Variants in OBSL1 observed in about 807,000 individuals in gnomAD.
OBSL1 encodes the protein obscurin-like protein 1.
In OBSL1, 160 loss-of-function variants were observed where a neutral mutation model predicts 172.0. That is an observed-to-expected ratio of 0.93 (90% CI 0.82 to 1.06). The LOEUF (loss-of-function observed/expected upper bound fraction) is 1.06. OBSL1 is among the 50% of genes least tolerant of loss of function. OBSL1 has a pLI of 0.00. For synonymous variants in OBSL1, 1,200 were observed against 1,196.3 expected (o/e 1.00, Z -0.06); for missense variants, 2,681 against 2,715.4 (o/e 0.99, Z 0.28).
chr2:219,552,353 A>G (rs1695679888), intron 18 of OBSL1, 137 bp from the exon 19 acceptor site: 2 of 917,680 alleles, frequency 2.2e-6, no homozygotes, highest in Non-Finnish European at 3.3e-6. Context: ...AGGGATGCGG[A>G]GCGGGAAGCC....
In OBSL1 at chr2:219,567,512, G is replaced by A. The variant is rs371394126; in HGVS notation, c.1598C>T (p.Thr533Met). The A allele has an allele frequency of 2.2e-5, 35 of 1,613,384 alleles. No individual in the cohort carries two copies. Among genetic ancestry groups the A allele is most frequent in the African/African-American group, 8.0e-5 (6 of 74,926 alleles). ...LAEMFKGHKN[T>M]VLLTWKPPEP... ...GGGAGGCTTCCAGGTCAACAGGACC[G>A]TGTTCTTGTGGCCCTTGAACATCTC... The change falls in exon 4 of 21, where the codon ACG becomes ATG. Residue 533 changes from threonine (T) to methionine (M), a missense_variant. By Grantham distance (81) the Thr-to-Met change is moderately conservative (BLOSUM62 -1). Transcript: ENST00000404537.
At chr2:219,547,660 G>A, downstream of OBSL1, 1 of 1,535,446 alleles carries the variant, frequency 6.5e-7, no homozygotes, top group Non-Finnish European at 8.8e-7. Context: ...TGCTCTGCGG[G>A]CTGGTGGCCA....
Position 219,557,531 on chromosome 2 carries a change from A to AGGT in OBSL1, c.3875_3877dup (p.His1292dup). 1 of 1,553,340 alleles carries AGGT rather than the reference A, an allele frequency of 6.4e-7. No homozygotes were observed. The highest frequency in any genetic ancestry group is 8.7e-7 in the Non-Finnish European group (1 of 1,148,884). On this transcript the variant is annotated inframe_insertion, in exon 12 of 21. Coordinates refer to ENST00000404537, the MANE Select transcript of OBSL1 (RefSeq NM_015311.3). The stretch of plus-strand genomic sequence containing the variant: ...GCGTACAGGGCCCCCTGGCCCGGAG[A>AGGT]GGTGCACCACCAGCTCTAGGTCCCC...
rs1295773613 is a variant in OBSL1, at chr2:219,566,817, C to T, written c.2134+13G>A. The T allele has an allele frequency of 6.4e-7, 1 of 1,559,972 alleles. No individual in the cohort carries two copies. The highest frequency in any genetic ancestry group is 1.4e-5 in the African/African-American group (1 of 73,718). ...GACCCTTTCTGCCCACTCAGGTCCC[C>T]ACTGGCACCAACCTTGGATTGTGAG... On this transcript the variant is annotated intron_variant, in intron 5 of 20. Transcript: ENST00000404537.
downstream of OBSL1, chr2:219,548,182 C>T (rs952794062): frequency 6.2e-6 from 7 of 1,123,866 alleles, no homozygotes; most frequent in African/African-American, 3.1e-5. Context: ...CAGAAGGCCT[C>T]GATGGCGGTA....
chr2:219,549,543 A>T (rs1053009292), downstream of OBSL1, among the ~76,000 whole-genome samples: 2 of 152,142 alleles, frequency 1.3e-5, no homozygotes, highest in Non-Finnish European at 2.9e-5. Context: ...ATTGGGGGAA[A>T]GGTTCCTGAG....
rs1696661659 is a variant in OBSL1, at chr2:219,563,605, G to A, written c.2430C>T (p.Asp810=). 1.2e-6 allele frequency: 2 copies of A among 1,613,162 alleles called. No individual in the cohort carries two copies. The highest frequency in any genetic ancestry group is 1.7e-5 in the Admixed American group (1 of 59,910). Residue 810 remains aspartate (D), a synonymous_variant, in exon 7 of 21, where the codon GAC becomes GAT. Coordinates refer to ENST00000404537, the MANE Select transcript of OBSL1 (RefSeq NM_015311.3). ...TVQDPPVHIV[D]PREHVFVHAI... Reference sequence around the variant, plus strand: ...CATGCACGAACACATGTTCTCGGGGGTCCACGATGTGCACGGGAGGATCTG... The same window carrying A: ...CATGCACGAACACATGTTCTCGGGGATCCACGATGTGCACGGGAGGATCTG...
intron 20 of OBSL1, 73 bp from the exon 21 acceptor site, chr2:219,550,915 G>A: frequency 3.8e-6 from 6 of 1,577,622 alleles, no homozygotes; most frequent in South Asian, 1.2e-5. Flanking sequence ...GGCAGAGCCT[G>A]GACACCAGTA....
chr2:219,554,774 G>A (rs1695878359), intron 14 of OBSL1, 34 bp from the exon 15 acceptor site: 1 of 1,514,000 alleles, frequency 6.6e-7, no homozygotes, highest in South Asian at 1.3e-5. Flanking sequence ...GGAGGATGAG[G>A]CCTCCAGCTC....
Position 219,570,243 on chromosome 2 carries a change from A to G in OBSL1, c.990T>C (p.Ser330=). 6.3e-7 allele frequency: 1 copy of G among 1,579,026 alleles called. No individual in the cohort carries two copies. Among genetic ancestry groups the G allele is most frequent in the Non-Finnish European group, 8.6e-7 (1 of 1,160,626 alleles). The change falls in exon 1 of 21, where the codon AGT becomes AGC. Residue 330 remains serine, a synonymous_variant. Transcript: ENST00000404537. Reference sequence around the variant, plus strand: ...TACCTTTCACGTGCAGCTGCACGGCACTGAGCGTCTGGCCCGCCGAGTTGC... The same window carrying G: ...TACCTTTCACGTGCAGCTGCACGGCGCTGAGCGTCTGGCCCGCCGAGTTGC... ...AARNSAGQTL[S]AVQLHVKEPR...
rs771364095 is a variant in OBSL1, at chr2:219,550,799, T to C, written c.*36A>G. 3 of 1,607,898 alleles carry C rather than the reference T, an allele frequency of 1.9e-6. No individual in the cohort carries two copies. The highest frequency in any genetic ancestry group is 1.1e-5 in the South Asian group (1 of 89,714). On this transcript the variant is annotated 3_prime_UTR_variant, in exon 21 of 21. Coordinates refer to ENST00000404537, the MANE Select transcript of OBSL1 (RefSeq NM_015311.3). ...GGGTAAGGGCAAACGCCTTCCAAGC[T>C]GTCCAAGGGCACCCGCCTGGCCTGG...
intron 18 of OBSL1, 105 bp downstream of exon 18, chr2:219,552,431 C>A: frequency 3.5e-6 from 4 of 1,135,448 alleles, no homozygotes; most frequent in Non-Finnish European, 4.8e-6. Flanking sequence ...GGCCGTGGGG[C>A]GGGGCCCGTC....
rs1025601340 is a variant in OBSL1 at position 219,566,892 on chromosome 2, C to T, written c.2072G>A (p.Ser691Asn). The T allele has an allele frequency of 1.9e-6, 3 of 1,607,080 alleles. No individual in the cohort carries two copies. Among genetic ancestry groups the T allele is most frequent in the Non-Finnish European group, 2.6e-6 (3 of 1,174,202 alleles). ...GCAGCTGAAGCCGACCAGGGCACCG[C>T]TGTCCTGGTGCTTGACGGCATGCAG... Reference protein sequence around the residue: ...LILHAVKHQDSGALVGFSCPG... With the variant: ...LILHAVKHQDNGALVGFSCPG... Residue 691 changes from serine to asparagine, a missense_variant, in exon 5 of 21, where the codon AGC becomes AAC. By Grantham distance (46) the Ser-to-Asn change is conservative. Transcript: ENST00000404537.
chr2:219,568,444 G>A lies in OBSL1; in HGVS notation c.1013-120C>T. 1 of 1,009,410 alleles carries A rather than the reference G, an allele frequency of 9.9e-7. No homozygotes were observed. Among genetic ancestry groups the A allele is most frequent in the Non-Finnish European group, 1.4e-6 (1 of 710,156 alleles). 62.5% of individuals were successfully genotyped at this position (1,009,410 alleles called of 1,614,324 possible). A position where few individuals can be genotyped will look rare whatever the true frequency, so the allele number is the denominator to read the frequency against. On this transcript the variant is annotated intron_variant, in intron 1 of 20. Coordinates refer to ENST00000404537, the MANE Select transcript of OBSL1 (RefSeq NM_015311.3). The surrounding 1 kb of genome is among the most constrained non-coding windows in gnomAD (Gnocchi z 4.1). Reference sequence around the variant, plus strand: ...TCTTCATGCAGAGCCAGCGGGCACTGTGGAATCACAGAAAACTACCAGAAG... The same window carrying A: ...TCTTCATGCAGAGCCAGCGGGCACTATGGAATCACAGAAAACTACCAGAAG...
At position 219,568,968 on chromosome 2, in the gene OBSL1, C is replaced by G. The variant is rs1442937065; in HGVS notation, c.1013-644G>C. On this transcript the variant is annotated intron_variant, in intron 1 of 20. Coordinates refer to ENST00000404537, the MANE Select transcript of OBSL1 (RefSeq NM_015311.3). This position sits in a 1 kb window ranked among gnomAD's most constrained non-coding sequence, Gnocchi z 4.1. ...TTTGCCATGTTGGCCAGGCTGTTCTCGAACTCCTGACCTCAAATGATCCGC... is the reference window on the plus strand; with the variant it reads ...TTTGCCATGTTGGCCAGGCTGTTCTGGAACTCCTGACCTCAAATGATCCGC... Among the ~76,000 whole-genome samples, 1 of 151,534 alleles carries G rather than the reference C, an allele frequency of 6.6e-6. No homozygotes were observed. Among genetic ancestry groups the G allele is most frequent in the Non-Finnish European group, 1.5e-5 (1 of 67,908 alleles).
chr2:219,570,470 A>C lies in OBSL1; in HGVS notation c.763T>G (p.Phe255Val). The change falls in exon 1 of 21, where the codon TTC becomes GTC. Residue 255 changes from phenylalanine (F) to valine (V), a missense_variant. This residue lies in a region of OBSL1 where 706 missense variants were observed against 695.8 expected (regional missense o/e 1.01). Coordinates refer to ENST00000404537, the MANE Select transcript of OBSL1 (RefSeq NM_015311.3). The stretch of plus-strand genomic sequence containing the variant: ...GCGTGCTTGCCCTCGTTCACCCAGA[A>C]GGTCTTAGGCGCGCACTTGAGCGGC... ...VEPLKCAPKT[F>V]WVNEGKHAKF... is the part of the protein sequence containing the mutation. The C allele has an allele frequency of 6.2e-7, 1 of 1,612,530 alleles. No individual in the cohort carries two copies. Among genetic ancestry groups the C allele is most frequent in the South Asian group, 1.1e-5 (1 of 91,080 alleles).
chr2:219,565,150 TC>T, intron 6 of OBSL1, 91 bp downstream of exon 6: 1 of 1,347,528 alleles, frequency 7.4e-7, no homozygotes, highest in Non-Finnish European at 1.0e-6. Flanking sequence ...TGTAAAGGAC[TC>T]CCCCAAGTAG....
intron 18 of OBSL1, 105 bp downstream of exon 18, chr2:219,552,431 C>T: frequency 1.8e-6 from 2 of 1,135,444 alleles, no homozygotes; most frequent in Non-Finnish European, 2.4e-6. Context: ...GGCCGTGGGG[C>T]GGGGCCCGTC....
chr2:219,555,785 C>T, intron 14 of OBSL1: 1 of 1,382,026 alleles, frequency 7.2e-7, no homozygotes. Flanking sequence ...GTGTTTATAG[C>T]AAAGCCGACT....
Sources: gnomAD v4.1 joint callset for allele counts (sites outside exome capture counted in the v4.1 genomes callset) on GRCh38, gnomAD v4.1.1 for gene constraint, gnomAD v4.1.1 regional missense constraint, Gnocchi (gnomAD v3.1) non-coding constraint, MANE v1.5 for transcripts, NCBI Gene and HGNC (gene_info 2026-07-23, HGNC 2026-07-21) for gene names.